TRIP12: variants seen among roughly 807,000 people sequenced by gnomAD.
The protein encoded by TRIP12 is E3 ubiquitin-protein ligase TRIP12.
TRIP12 carries 25 observed loss-of-function variants against 244.2 expected under a neutral mutation model. The observed-to-expected ratio is 0.10, with a 90% CI of 0.07 to 0.14. The LOEUF (loss-of-function observed/expected upper bound fraction) is 0.14. TRIP12 is among the 10% of genes least tolerant of loss of function. The probability of loss-of-function intolerance (pLI) is 1.00; values close to 1 mark genes in which losing one functional copy is unlikely to be tolerated. For synonymous variants in TRIP12, 905 were observed against 873.1 expected, an observed-to-expected ratio of 1.04 and a Z score of -0.64; for missense variants, 1,677 against 2,486.4, an observed-to-expected ratio of 0.67 and a Z score of 6.92.
intron 18 of TRIP12, among the ~76,000 whole-genome samples, chr2:229,804,512 T>C (rs910706848): frequency 6.6e-6 from 1 of 152,196 alleles, no homozygotes; most frequent in Non-Finnish European, 1.5e-5. Flanking sequence ...TTTACTGATA[T>C]ACATTCAATG....
At chr2:229,910,218 C>T (rs1036008246) in intron 1 of TRIP12, among the ~76,000 whole-genome samples, 2 of 152,178 alleles carry the variant, frequency 1.3e-5, no homozygotes, top group African/African-American at 4.8e-5. Context: ...CTTCCCAAAT[C>T]CTTTACTATT....
chr2:229,900,044 G>C (rs184485734), intron 1 of TRIP12, among the ~76,000 whole-genome samples: 1 of 152,196 alleles, frequency 6.6e-6, no homozygotes, highest in East Asian at 1.9e-4. Context: ...AACTGACATG[G>C]GTTTATTCAA....
chr2:229,866,252 A>AT (rs1033450172), intron 2 of TRIP12, among the ~76,000 whole-genome samples: 5 of 152,112 alleles, frequency 3.3e-5, no homozygotes, highest in South Asian at 2.1e-4. Context: ...CGATTATACT[A>AT]TTTTTTTGGC....
chr2:229,840,132 C>T lies in TRIP12; in HGVS notation c.1133+690G>A, dbSNP rs114233521. 2.0e-3 allele frequency among the ~76,000 whole-genome samples: 311 copies of T among 152,232 alleles called. 2 individuals are homozygous for T. Among genetic ancestry groups the T allele is most frequent in the African/African-American group, 7.2e-3 (297 of 41,530 alleles). On this transcript the variant is annotated intron_variant, in intron 5 of 41. Transcript: ENST00000675903. ...ATCACACTATTGGGAAATTTAACTA[C>T]CTTTTAAAAACAACCCAAATCTGCA...
At chr2:229,796,566 A>T in intron 25 of TRIP12, 25 bp downstream of exon 25, 1 of 1,539,540 alleles carries the variant, frequency 6.5e-7, no homozygotes, top group Non-Finnish European at 8.7e-7. Flanking sequence ...CTTAAAAGAT[A>T]CACAGGCATT....
chr2:229,853,308 G>A (rs1184068242), intron 4 of TRIP12, among the ~76,000 whole-genome samples: 3 of 151,870 alleles, frequency 2.0e-5, no homozygotes, highest in African/African-American at 7.3e-5. Flanking sequence ...GTATTAATCA[G>A]AAGCCCATCT....
intron 2 of TRIP12, among the ~76,000 whole-genome samples, chr2:229,867,412 T>G (rs1436678243): frequency 2.0e-5 from 3 of 152,102 alleles, no homozygotes; most frequent in African/African-American, 7.2e-5. Context: ...ATGATCCTCC[T>G]GCCTCAGCTT....
At chr2:229,922,448 G>A, upstream of TRIP12, 1 of 1,500,952 alleles carries the variant, frequency 6.7e-7, no homozygotes, top group Non-Finnish European at 9.3e-7. Context: ...TAGGGTTTTG[G>A]CCCCTTGACC....
chr2:229,797,586 G>GAT, intron 24 of TRIP12, 104 bp downstream of exon 24: 3 of 1,423,884 alleles, frequency 2.1e-6, no homozygotes, highest in Non-Finnish European at 2.9e-6. Flanking sequence ...GTCGATGTAG[G>GAT]ATAGCTAAAT....
intron 13 of TRIP12, among the ~76,000 whole-genome samples, chr2:229,813,386 A>G (rs2154280787): frequency 6.6e-6 from 1 of 152,372 alleles, no homozygotes; most frequent in Admixed American, 6.5e-5. Context: ...CCAAAATTTT[A>G]TAAAATAACC....
In TRIP12 at chr2:229,797,261, AC is replaced by A. The variant is rs1384801326; in HGVS notation, c.3624+428del. ...TAAATAAATAAAAATAAAAATAAGAACAAAAACTGAGAACCAGATGAAACGT... is the reference window on the plus strand; with the variant it reads ...TAAATAAATAAAAATAAAAATAAGAAAAAAACTGAGAACCAGATGAAACGT... On this transcript the variant is annotated intron_variant, in intron 24 of 41. Transcript: ENST00000675903. Among the ~76,000 whole-genome samples, 3 of 152,170 alleles carry A rather than the reference AC, an allele frequency of 2.0e-5. No homozygotes were observed. In the South Asian group the frequency reaches 6.2e-4, roughly 31 times the overall value.
At chr2:229,829,149 G>T in intron 8 of TRIP12, 44 bp downstream of exon 8, 2 of 1,549,126 alleles carry the variant, frequency 1.3e-6, no homozygotes, top group Non-Finnish European at 1.8e-6. Flanking sequence ...AATAGCAGTT[G>T]GCTAATTATT....
chr2:229,808,181 TG>T, intron 16 of TRIP12, 70 bp downstream of exon 16: 1 of 1,098,362 alleles, frequency 9.1e-7, no homozygotes, highest in Non-Finnish European at 1.4e-6. Flanking sequence ...TTGGCCAGGC[TG>T]GTCTCGAACT....
intron 1 of TRIP12, among the ~76,000 whole-genome samples, chr2:229,902,914 A>G (rs2071412715): frequency 6.6e-6 from 1 of 152,146 alleles, no homozygotes; most frequent in African/African-American, 2.4e-5. Context: ...TAGGTCATTC[A>G]TATTAGACTG....
rs2040727839 is a variant in TRIP12, at chr2:229,788,902, A to C, written c.4734T>G (p.Phe1578Leu). The change falls in exon 32 of 42, where the codon TTT (phenylalanine) becomes TTG (leucine). Residue 1578 changes from phenylalanine to leucine, a missense_variant. Transcript: ENST00000675903. ...CTTTTGCTGTTAACTTACTGTTAAT[A>C]AATTCACTAGTTGGAATAATTTCCT... is the stretch of plus-strand genomic sequence containing the variant. ...MCKEIIPTSEFINSKLTAKAN... is the reference protein window; with the variant it reads ...MCKEIIPTSELINSKLTAKAN... 1.2e-6 allele frequency: 2 copies of C among 1,613,790 alleles called. No individual in the cohort carries two copies. Among genetic ancestry groups the C allele is most frequent in the Non-Finnish European group, 1.7e-6 (2 of 1,179,800 alleles).
intron 15 of TRIP12, among the ~76,000 whole-genome samples, chr2:229,810,185 C>T (rs910613274): frequency 3.3e-5 from 5 of 152,166 alleles, no homozygotes; most frequent in African/African-American, 1.2e-4. Flanking sequence ...TACAGTGAGA[C>T]CTTGTCTCTG....
At chr2:229,834,035 T>C (rs2054128969) in intron 6 of TRIP12, among the ~76,000 whole-genome samples, 1 of 152,230 alleles carries the variant, frequency 6.6e-6, no homozygotes, top group African/African-American at 2.4e-5. Context: ...ATAGGCCAGA[T>C]TTGTTCCCAG....
intron 13 of TRIP12, 136 bp downstream of exon 13, chr2:229,813,734 A>G: frequency 1.8e-6 from 1 of 547,696 alleles, no homozygotes; most frequent in Non-Finnish European, 2.6e-6. Flanking sequence ...CAGTGAGCTG[A>G]GATCACACCA....
intron 27 of TRIP12, among the ~76,000 whole-genome samples, chr2:229,792,767 C>T (rs2041877801): frequency 6.6e-6 from 1 of 152,112 alleles, no homozygotes; most frequent in Non-Finnish European, 1.5e-5. Context: ...GATAAATTAA[C>T]TCAACATTCA....
Sources: gnomAD v4.1 joint callset for allele counts (sites outside exome capture counted in the v4.1 genomes callset) on GRCh38, gnomAD v4.1.1 for gene constraint, MANE v1.5 for transcripts, NCBI Gene and HGNC (gene_info 2026-07-23, HGNC 2026-07-21) for gene names.